Variants in EIF3L observed in about 807,000 individuals in gnomAD.
The protein encoded by EIF3L is eukaryotic translation initiation factor 3 subunit L.
In EIF3L, 32 loss-of-function variants were observed where a neutral mutation model predicts 74.6. The ratio of observed to expected loss-of-function variants is 0.43; its 90% CI spans 0.32 to 0.58. The LOEUF (loss-of-function observed/expected upper bound fraction) is 0.58, where lower values mean the gene tolerates loss of function less well. EIF3L is among the 20% of genes least tolerant of loss of function. The pLI, the probability that EIF3L is intolerant of heterozygous loss-of-function variation, is 0.06. For synonymous variants in EIF3L, 256 were observed against 254.4 expected, an observed-to-expected ratio of 1.01 and a Z score of -0.06; for missense variants, 474 against 707.8, an observed-to-expected ratio of 0.67 and a Z score of 3.75.
intron 10 of EIF3L, chr22:37,876,289 C>A: frequency 1.0e-5 from 3 of 287,906 alleles, no homozygotes; most frequent in Non-Finnish European, 1.3e-5. Flanking sequence ...ACAACAACAC[C>A]GGCTAATTTT....
intron 7 of EIF3L, 99 bp from the exon 8 acceptor site, chr22:37,870,077 C>T (rs1258385657): frequency 9.3e-7 from 1 of 1,076,946 alleles, no homozygotes; most frequent in African/African-American, 1.6e-5. Context: ...CACCTTGCCC[C>T]ATCCAGAGCC....
chr22:37,858,219 CTTT>C (rs549425262), intron 4 of EIF3L, among the ~76,000 whole-genome samples: 29 of 85,096 alleles, frequency 3.4e-4, no homozygotes, highest in South Asian at 1.5e-3. Context: ...TTCTTTCTTC[CTTT>C]TTTTTTTTTT....
chr22:37,864,644 T>A (rs1272829798), intron 7 of EIF3L, among the ~76,000 whole-genome samples: 2 of 151,866 alleles, frequency 1.3e-5, no homozygotes, highest in African/African-American at 4.8e-5. Context: ...GTTCAAGCGA[T>A]TCTCTTGTCT....
At chr22:37,854,367 A>T (rs767538716) in intron 3 of EIF3L, among the ~76,000 whole-genome samples, 10 of 152,216 alleles carry the variant, frequency 6.6e-5, no homozygotes, top group Non-Finnish European at 1.0e-4. Context: ...GATGGAAGCA[A>T]CAGCCAGAGA....
At chr22:37,875,126 T>G (rs1431043837) in intron 9 of EIF3L, among the ~76,000 whole-genome samples, 3 of 148,984 alleles carry the variant, frequency 2.0e-5, no homozygotes, top group South Asian at 4.4e-4. Flanking sequence ...CCCAGCAGTT[T>G]GGGAGGCTGA....
intron 11 of EIF3L, chr22:37,879,671 G>T (rs1281903314): frequency 6.6e-6 from 1 of 152,200 alleles, no homozygotes; most frequent in African/African-American, 2.4e-5. Flanking sequence ...GGGGGATGGT[G>T]CTTTGTATAC....
At chr22:37,858,629 G>C (rs767146611) in intron 4 of EIF3L, 50 bp from the exon 5 acceptor site, 53 of 1,542,978 alleles carry the variant, frequency 3.4e-5, no homozygotes, top group South Asian at 3.4e-4. Flanking sequence ...AAGCTGCCAG[G>C]ATACCCCAGT....
rs11551386 is a variant in EIF3L, at chr22:37,850,027, C to A, written c.46C>A (p.Pro16Thr). ...DDYESEAAYDPYAYPSDYDMH... is the reference protein window; with the variant it reads ...DDYESEAAYDTYAYPSDYDMH... ...TCTTTCCTTCTAGGCGGCTTATGACCCCTACGCTTATCCCAGCGACTATGA... is the reference window on the plus strand; with the variant it reads ...TCTTTCCTTCTAGGCGGCTTATGACACCTACGCTTATCCCAGCGACTATGA... Residue 16 changes from proline (P) to threonine (T), a missense_variant, in exon 2 of 13, where the codon CCC (proline) becomes ACC (threonine). Around this residue, in one of 4 missense-constraint regions of EIF3L, gnomAD observed 39 missense variants for 24.2 expected, o/e 1.61. Coordinates refer to ENST00000652021, the MANE Select transcript of EIF3L (RefSeq NM_016091.4). 1.9e-6 allele frequency: 3 copies of A among 1,613,758 alleles called. No homozygotes were observed. Among genetic ancestry groups the A allele is most frequent in the Non-Finnish European group, 2.5e-6 (3 of 1,179,834 alleles).
chr22:37,859,317 G>GGGC (rs1182034540), intron 5 of EIF3L, among the ~76,000 whole-genome samples: 1 of 149,024 alleles, frequency 6.7e-6, no homozygotes, highest in African/African-American at 2.5e-5. Context: ...TCCCAACTTT[G>GGGC]AGCACTTGCT....
At chr22:37,849,977 C>T (rs1309288564) in intron 1 of EIF3L, 38 bp from the exon 2 acceptor site, 2 of 1,612,864 alleles carry the variant, frequency 1.2e-6, no homozygotes, top group Non-Finnish European at 1.7e-6. Flanking sequence ...GAATTCACGA[C>T]TTGGCGGCTG....
chr22:37,860,886 A>T (rs1475820966), intron 5 of EIF3L, among the ~76,000 whole-genome samples: 1 of 152,000 alleles, frequency 6.6e-6, no homozygotes, highest in Non-Finnish European at 1.5e-5. Context: ...ACTTCCCATC[A>T]CACTTACTAA....
In EIF3L at chr22:37,850,041, C is replaced by T. The variant is rs144622988; in HGVS notation, c.60C>T (p.Pro20=). ...SEAAYDPYAY[P]SDYDMHTGDP... ...CGGCTTATGACCCCTACGCTTATCCCAGCGACTATGATATGCACACAGGTG... is the reference window on the plus strand; with the variant it reads ...CGGCTTATGACCCCTACGCTTATCCTAGCGACTATGATATGCACACAGGTG... The change falls in exon 2 of 13, where the codon CCC becomes CCT. Residue 20 remains proline, a synonymous_variant. Coordinates refer to ENST00000652021, the MANE Select transcript of EIF3L (RefSeq NM_016091.4). 49 of 1,613,734 alleles carry T rather than the reference C, an allele frequency of 3.0e-5. No homozygotes were observed. The East Asian group carries it at 1.1e-3, about 35-fold the overall frequency.
intron 11 of EIF3L, chr22:37,880,577 G>A (rs964107460): frequency 1.5e-4 from 23 of 152,122 alleles, no homozygotes; most frequent in African/African-American, 5.6e-4. Flanking sequence ...GCTAATTTTT[G>A]GTATTTTTAG....
In EIF3L at chr22:37,878,055, C is replaced by A. The variant is rs903452935; in HGVS notation, c.1459C>A (p.Arg487=). ...CCTGGACCTCACAGAGCAGGAGTTC[C>A]GGATCCAGCTTCTTGTCTTCAAACA... is the stretch of plus-strand genomic sequence containing the variant. The part of the protein sequence containing the change: ...GFLDLTEQEF[R]IQLLVFKHKM... Residue 487 remains arginine (R), a synonymous_variant, in exon 11 of 13, where the codon CGG becomes AGG. Transcript: ENST00000652021. The A allele has an allele frequency of 6.2e-7, 1 of 1,614,092 alleles. No individual in the cohort carries two copies. Among genetic ancestry groups the A allele is most frequent in the East Asian group, 2.2e-5 (1 of 44,882 alleles).
At chr22:37,861,518 T>G (rs753001042) in intron 5 of EIF3L, among the ~76,000 whole-genome samples, 21 of 152,060 alleles carry the variant, frequency 1.4e-4, no homozygotes, top group Non-Finnish European at 2.9e-4. Flanking sequence ...ACCCCGTCTC[T>G]ACTAAAAATA....
In EIF3L at chr22:37,888,428, T is replaced by G. The variant is rs1019830563; in HGVS notation, c.1659T>G (p.Leu553=). ...CTTTGCTTTTCTTTCTCTTCTAGCT[T>G]AATCGAACCCTGAAGAAGATGGGAC... ...FIRQIHKFEE[L]NRTLKKMGQR... is the part of the protein sequence containing the mutation. The change falls in exon 13 of 13, where the codon CTT becomes CTG. Residue 553 remains leucine (L), a splice_region_variant and synonymous_variant. Coordinates refer to ENST00000652021, the MANE Select transcript of EIF3L (RefSeq NM_016091.4). 2.5e-6 allele frequency: 4 copies of G among 1,614,104 alleles called. No individual in the cohort carries two copies. Among genetic ancestry groups the G allele is most frequent in the Non-Finnish European group, 3.4e-6 (4 of 1,179,998 alleles).
chr22:37,856,168 C>T (rs962232675), intron 4 of EIF3L, among the ~76,000 whole-genome samples: 2 of 152,026 alleles, frequency 1.3e-5, no homozygotes, highest in Admixed American at 1.3e-4. Context: ...AGCGATTCTC[C>T]TAGGTTCAAG....
At chr22:37,886,887 G>C in intron 12 of EIF3L, 42 bp downstream of exon 12, 1 of 1,505,886 alleles carries the variant, frequency 6.6e-7, no homozygotes, top group Non-Finnish European at 9.2e-7. Context: ...GCTCAGGACA[G>C]AGCTTAGGAA....
At position 37,851,858 on chromosome 22, in the gene EIF3L, G is replaced by A. The variant is rs367916431; in HGVS notation, c.293+368G>A. On this transcript the variant is annotated intron_variant, in intron 3 of 12. Coordinates refer to ENST00000652021, the MANE Select transcript of EIF3L (RefSeq NM_016091.4). Reference sequence around the variant, plus strand: ...TTTTTTTGTATTTTTAGTAGAGACAGAATTTCACCATGTTGGCCAGGCGTG... The same window carrying A: ...TTTTTTTGTATTTTTAGTAGAGACAAAATTTCACCATGTTGGCCAGGCGTG... Among the ~76,000 whole-genome samples the A allele has an allele frequency of 1.1e-4, 17 of 152,102 alleles. No homozygotes were observed. In the East Asian group the frequency reaches 3.3e-3, roughly 29 times the overall value.
Sources: allele counts gnomAD v4.1 joint callset (sites outside exome capture counted in the v4.1 genomes callset), GRCh38; gene constraint gnomAD v4.1.1; regional missense constraint gnomAD v4.1.1; transcripts MANE v1.5; gene names NCBI Gene and HGNC (gene_info 2026-07-23, HGNC 2026-07-21).